ABCA5: variants seen among roughly 807,000 people sequenced by gnomAD.
The protein encoded by ABCA5 is cholesterol transporter ABCA5.
Under a neutral mutation model 206.0 loss-of-function variants are expected in ABCA5, and 163 were observed. The observed-to-expected ratio is 0.79, with a 90% confidence interval of 0.70 to 0.90. The LOEUF is 0.90. Ranked by LOEUF, ABCA5 falls within the 40% of genes least tolerant of loss-of-function variation. ABCA5 has a pLI of 0.00. For missense variants in ABCA5, 1,859 were observed against 1,912.9 expected, an observed-to-expected ratio of 0.97 and a Z score of 0.53; for synonymous variants, 609 against 613.8, an observed-to-expected ratio of 0.99 and a Z score of 0.11.
intron 9 of ABCA5, 94 bp downstream of exon 9, chr17:69,301,045 T>G: frequency 8.5e-7 from 1 of 1,176,882 alleles, no homozygotes; most frequent in Middle Eastern, 2.4e-4. Flanking sequence ...TAGGGTACCC[T>G]GGTTAGGAAA....
intron 9 of ABCA5, 46 bp from the exon 10 acceptor site, chr17:69,297,405 A>C (rs2075595855): frequency 1.3e-6 from 2 of 1,530,032 alleles, no homozygotes; most frequent in Non-Finnish European, 1.8e-6. Flanking sequence ...ATTAGTTTTT[A>C]AATCATAAAG....
At chr17:69,251,974 C>A in intron 34 of ABCA5, 108 bp from the exon 35 acceptor site, 2 of 1,200,654 alleles carry the variant, frequency 1.7e-6, no homozygotes, top group Non-Finnish European at 1.2e-6. Flanking sequence ...TAAAACTTAC[C>A]AAATATCAAT....
chr17:69,277,620 A>G, intron 19 of ABCA5, 21 bp downstream of exon 19: 1 of 1,580,522 alleles, frequency 6.3e-7, no homozygotes, highest in Non-Finnish European at 8.6e-7. Flanking sequence ...CATCAGGTAT[A>G]AGGGTGATAA....
rs1015866165 is a variant in ABCA5 at position 69,245,451 on chromosome 17, C to T, written c.*2086G>A. 6.6e-6 allele frequency: 1 copy of T among 151,858 alleles called. No individual in the cohort carries two copies. Among genetic ancestry groups the T allele is most frequent in the Non-Finnish European group, 1.5e-5 (1 of 67,816 alleles). The allele number at this position is 151,858 out of a possible 1,614,324, so 9.4% of individuals were successfully genotyped here. A position where few individuals can be genotyped will look rare whatever the true frequency, so the allele number is the denominator to read the frequency against. ...AGTATGTTCATAAACATGAACTGTA[C>T]ACTGTAAATAAATATATTTCACTTT... On this transcript the variant is annotated 3_prime_UTR_variant, in exon 39 of 39. Coordinates refer to ENST00000392676, the MANE Select transcript of ABCA5 (RefSeq NM_172232.4).
At chr17:69,290,709 T>G (rs1464654450) in intron 12 of ABCA5, among the ~76,000 whole-genome samples, 2 of 152,154 alleles carry the variant, frequency 1.3e-5, no homozygotes, top group East Asian at 3.8e-4. Flanking sequence ...ACTGCCACTC[T>G]ATTTGGTTAC....
chr17:69,316,932 C>T (rs753994903), intron 1 of ABCA5: 5 of 152,184 alleles, frequency 3.3e-5, no homozygotes, highest in Non-Finnish European at 7.3e-5. Flanking sequence ...AATTCCACTC[C>T]TAGGTATACA....
chr17:69,309,063 T>C (rs1318996779), intron 4 of ABCA5, among the ~76,000 whole-genome samples, 199 bp downstream of exon 4: 1 of 152,120 alleles, frequency 6.6e-6, no homozygotes, highest in Non-Finnish European at 1.5e-5. Context: ...AATGGGTATA[T>C]ATAAAAATGT....
intron 6 of ABCA5, among the ~76,000 whole-genome samples, chr17:69,305,486 C>T (rs2145022259): frequency 6.6e-6 from 1 of 152,266 alleles, no homozygotes; most frequent in African/African-American, 2.4e-5. Context: ...TTTACTGAGG[C>T]AAAACTGAGA....
chr17:69,263,175 G>C (rs1393398529), intron 24 of ABCA5, among the ~76,000 whole-genome samples: 2 of 152,054 alleles, frequency 1.3e-5, no homozygotes, highest in African/African-American at 4.8e-5. Context: ...CTCCCATTCT[G>C]TATGTTATCC....
chr17:69,303,499 T>C (rs1219811989), intron 7 of ABCA5, among the ~76,000 whole-genome samples: 1 of 150,976 alleles, frequency 6.6e-6, no homozygotes. Context: ...AAACCATAAA[T>C]AGCCATGTGT....
At chr17:69,304,296 T>C (rs1228432343) in intron 7 of ABCA5, 1 of 154,978 alleles carries the variant, frequency 6.5e-6, no homozygotes, top group African/African-American at 2.4e-5. Flanking sequence ...TGCAAAGATG[T>C]ATCTTTAAAA....
intron 18 of ABCA5, among the ~76,000 whole-genome samples, chr17:69,282,128 G>A (rs1042748480): frequency 6.6e-5 from 10 of 152,044 alleles, no homozygotes; most frequent in South Asian, 6.2e-4. Context: ...ATCCCTCACC[G>A]TCCTCTGTTA....
At chr17:69,252,694 G>A (rs532452327) in intron 34 of ABCA5, among the ~76,000 whole-genome samples, 7 of 152,018 alleles carry the variant, frequency 4.6e-5, no homozygotes, top group Non-Finnish European at 7.4e-5. Flanking sequence ...AAAATTAGCC[G>A]GGCTTGGTGG....
At chr17:69,301,395 G>C (rs1317215840) in intron 8 of ABCA5, 109 bp from the exon 9 acceptor site, 2 of 737,050 alleles carry the variant, frequency 2.7e-6, no homozygotes, top group Non-Finnish European at 4.1e-6. Context: ...AACCAACTGG[G>C]CCTTTTAATA....
At chr17:69,298,312 G>GGA (rs2075612112) in intron 9 of ABCA5, among the ~76,000 whole-genome samples, 5 of 26,998 alleles carry the variant, frequency 1.9e-4, no homozygotes, top group East Asian at 6.4e-3. Flanking sequence ...AAGAAAGAGA[G>GGA]AGAGAGGAAG....
chr17:69,285,357 A>G (rs529213986), intron 17 of ABCA5: 4 of 152,274 alleles, frequency 2.6e-5, no homozygotes, highest in Admixed American at 2.0e-4. Flanking sequence ...TATGAGATAA[A>G]TGCTATGAAA....
chr17:69,304,886 T>C, intron 6 of ABCA5, 76 bp from the exon 7 acceptor site: 1 of 1,297,050 alleles, frequency 7.7e-7, no homozygotes, highest in Non-Finnish European at 1.0e-6. Flanking sequence ...TAAACAAAAT[T>C]TTTAGATTTT....
chr17:69,260,824 T>C (rs552511193), intron 26 of ABCA5, among the ~76,000 whole-genome samples: 2 of 152,036 alleles, frequency 1.3e-5, no homozygotes, highest in African/African-American at 4.8e-5. Flanking sequence ...TATAGTGAAA[T>C]ACGTTATTTA....
intron 26 of ABCA5, 132 bp from the exon 27 acceptor site, chr17:69,260,544 G>GT: frequency 3.3e-6 from 2 of 610,434 alleles, no homozygotes; most frequent in Non-Finnish European, 5.5e-6. Flanking sequence ...AGTAAGTTAT[G>GT]TTTTTTACTT....
Sources: allele counts gnomAD v4.1 joint callset (sites outside exome capture counted in the v4.1 genomes callset), GRCh38; gene constraint gnomAD v4.1.1; transcripts MANE v1.5; gene names NCBI Gene and HGNC (gene_info 2026-07-23, HGNC 2026-07-21).